Variants in CRPPA observed in about 807,000 individuals in gnomAD.
CRPPA encodes the protein CDP-L-ribitol pyrophosphorylase A, also known as D-ribitol-5-phosphate cytidylyltransferase.
Under a neutral mutation model 52.0 loss-of-function variants are expected in CRPPA, and 43 were observed. The observed-to-expected ratio is 0.83, with a 90% confidence interval of 0.65 to 1.07. CRPPA has a LOEUF of 1.07. Ranked by LOEUF, CRPPA falls within the 50% of genes least tolerant of loss-of-function variation. CRPPA has a pLI of 0.00. For missense variants in CRPPA, 629 were observed against 551.7 expected (o/e 1.14, Z -1.40); for synonymous variants, 250 against 203.5 (o/e 1.23, Z -1.94).
chr7:16,297,669 A>C (rs1784703066), intron 5 of CRPPA, among the ~76,000 whole-genome samples: 1 of 152,226 alleles, frequency 6.6e-6, no homozygotes, highest in African/African-American at 2.4e-5. Context: ...TTTTTATATA[A>C]ATTTGCAGGC....
At chr7:16,127,552 A>C (rs966465518) in intron 9 of CRPPA, among the ~76,000 whole-genome samples, 4 of 152,104 alleles carry the variant, frequency 2.6e-5, no homozygotes, top group Non-Finnish European at 4.4e-5. Flanking sequence ...TAATGTCCTA[A>C]AAATTTCCAT....
At chr7:16,358,248 G>A (rs948665207) in intron 3 of CRPPA, among the ~76,000 whole-genome samples, 4 of 152,062 alleles carry the variant, frequency 2.6e-5, no homozygotes, top group Non-Finnish European at 4.4e-5. Flanking sequence ...CCAGAATCAG[G>A]AACAGAAGCC....
chr7:16,127,054 G>A (rs1387459503), intron 9 of CRPPA, among the ~76,000 whole-genome samples: 1 of 152,144 alleles, frequency 6.6e-6, no homozygotes, highest in African/African-American at 2.4e-5. Flanking sequence ...GCACTACATT[G>A]TGAGAAAGAA....
intron 9 of CRPPA, among the ~76,000 whole-genome samples, chr7:16,202,873 G>A (rs766267813): frequency 4.6e-5 from 7 of 152,192 alleles, no homozygotes; most frequent in Non-Finnish European, 8.8e-5. Flanking sequence ...ACAAAAATAA[G>A]AAATGATGTC....
chr7:16,093,751 A>G (rs1392745151), intron 9 of CRPPA, among the ~76,000 whole-genome samples: 2 of 152,236 alleles, frequency 1.3e-5, no homozygotes, highest in Admixed American at 6.5e-5. Flanking sequence ...ATTCATAAAC[A>G]TATAAATAAA....
At chr7:16,139,611 T>A (rs1782829186) in intron 9 of CRPPA, among the ~76,000 whole-genome samples, 1 of 152,206 alleles carries the variant, frequency 6.6e-6, no homozygotes, top group South Asian at 2.1e-4. Flanking sequence ...ACCTAATAAT[T>A]TAAAATAGAA....
intron 2 of CRPPA, among the ~76,000 whole-genome samples, chr7:16,388,641 A>G (rs558265415): frequency 5.3e-4 from 81 of 152,258 alleles, no homozygotes; most frequent in African/African-American, 1.6e-3. Context: ...TTGGGAGGCC[A>G]AGGCAGGTGG....
intron 9 of CRPPA, among the ~76,000 whole-genome samples, chr7:16,191,105 G>A (rs1249846400): frequency 1.3e-5 from 2 of 152,086 alleles, no homozygotes; most frequent in Non-Finnish European, 2.9e-5. Context: ...ACATACACGT[G>A]CAAGTATCTT....
At chr7:16,346,344 T>A (rs976976389) in intron 3 of CRPPA, among the ~76,000 whole-genome samples, 5 of 152,112 alleles carry the variant, frequency 3.3e-5, no homozygotes, top group Non-Finnish European at 5.9e-5. Context: ...AAAGGCTCCA[T>A]AAGAAGTTTA....
intron 9 of CRPPA, among the ~76,000 whole-genome samples, chr7:16,157,177 G>A (rs1783199803): frequency 8.6e-6 from 1 of 116,174 alleles, no homozygotes; most frequent in Non-Finnish European, 1.9e-5. Context: ...GAACACAAAT[G>A]CTGCAATTTT....
intron 3 of CRPPA, among the ~76,000 whole-genome samples, chr7:16,352,270 TGGGGAGCAAGGGGA>T (rs1176311459): frequency 2.7e-5 from 4 of 149,184 alleles, no homozygotes; most frequent in African/African-American, 9.9e-5. Flanking sequence ...GTTGGAGGGG[TGGGGAGCAAGGGGA>T]GGGAGAACAT....
chr7:16,300,307 G>A (rs184850348), intron 5 of CRPPA, among the ~76,000 whole-genome samples: 1 of 152,128 alleles, frequency 6.6e-6, no homozygotes, highest in Admixed American at 6.5e-5. Context: ...TTAATAAATT[G>A]ATGCACTCAG....
chr7:16,393,619 T>C (rs1443389927), intron 2 of CRPPA, among the ~76,000 whole-genome samples: 1 of 152,138 alleles, frequency 6.6e-6, no homozygotes, highest in African/African-American at 2.4e-5. Context: ...TTATAACACA[T>C]TTTTTAAAAA....
intron 5 of CRPPA, among the ~76,000 whole-genome samples, chr7:16,289,331 G>A (rs893153640): frequency 4.6e-5 from 7 of 152,084 alleles, no homozygotes; most frequent in Non-Finnish European, 1.5e-5. Flanking sequence ...TTGAAGAGAA[G>A]GAAATTCTTC....
chr7:16,362,267 G>A (rs1253145947), intron 3 of CRPPA, among the ~76,000 whole-genome samples: 1 of 152,218 alleles, frequency 6.6e-6, no homozygotes, highest in Non-Finnish European at 1.5e-5. Flanking sequence ...GTGGAGGCTG[G>A]AAAGTCCAAG....
chr7:16,129,501 G>A (rs544149146), intron 9 of CRPPA, among the ~76,000 whole-genome samples: 5 of 151,996 alleles, frequency 3.3e-5, no homozygotes, highest in East Asian at 1.9e-4. Context: ...TTTTTAGCAC[G>A]TCTTTGTCCC....
At chr7:16,337,363 C>G (rs1316757764) in intron 3 of CRPPA, among the ~76,000 whole-genome samples, 1 of 152,018 alleles carries the variant, frequency 6.6e-6, no homozygotes, top group Non-Finnish European at 1.5e-5. Context: ...TCTGAACCAA[C>G]AGGTCACAGA....
chr7:16,266,743 T>A (rs763499920), intron 6 of CRPPA, among the ~76,000 whole-genome samples: 14 of 152,180 alleles, frequency 9.2e-5, no homozygotes, highest in Non-Finnish European at 1.6e-4. Flanking sequence ...CCTCCTAAAG[T>A]GCTGGGATTA....
intron 3 of CRPPA, among the ~76,000 whole-genome samples, chr7:16,358,323 G>A (rs1010691207): frequency 1.3e-5 from 2 of 152,172 alleles, no homozygotes; most frequent in South Asian, 2.1e-4. Context: ...TCTTAAGCAA[G>A]GGAGATGTTT....
Sources: gnomAD v4.1 joint callset for allele counts (sites outside exome capture counted in the v4.1 genomes callset) on GRCh38, gnomAD v4.1.1 for gene constraint, MANE v1.5 for transcripts, NCBI Gene and HGNC (gene_info 2026-07-23, HGNC 2026-07-21) for gene names.